Variants in TNNI3K observed in about 807,000 individuals in gnomAD.
TNNI3K encodes serine/threonine-protein kinase TNNI3K.
TNNI3K carries 140 observed loss-of-function variants against 114.5 expected under a neutral mutation model. That is an observed-to-expected ratio of 1.22 (90% confidence interval 1.07 to 1.41). The LOEUF (loss-of-function observed/expected upper bound fraction) is 1.41. TNNI3K is among the 40% of genes most tolerant of loss of function. The pLI is 0.00. For synonymous variants in TNNI3K, 347 were observed against 347.5 expected (o/e 1.00, Z 0.02); for missense variants, 1,125 against 1,007.6 (o/e 1.12, Z -1.58).
rs557053129 is a variant in TNNI3K, at chr1:74,297,491, C to T, written c.444+25783C>T. Among the ~76,000 whole-genome samples the T allele has an allele frequency of 3.3e-5, 5 of 149,372 alleles. No individual in the cohort carries two copies. In the East Asian group the frequency reaches 9.9e-4, roughly 29 times the overall value. Reference sequence around the variant, plus strand: ...ATGAGGGCTCTCACCAGAACCTATCCATGCTTGGCATCTTGTCCAGTGTGT... The same window carrying T: ...ATGAGGGCTCTCACCAGAACCTATCTATGCTTGGCATCTTGTCCAGTGTGT... On this transcript the variant is annotated intron_variant, in intron 5 of 24. Transcript: ENST00000326637.
In TNNI3K at chr1:74,368,960, G is replaced by A. The variant is rs1344390588; in HGVS notation, c.1322-62G>A. The A allele has an allele frequency of 9.0e-6, 12 of 1,334,126 alleles. No homozygotes were observed. The South Asian group carries it at 1.1e-4, about 12-fold the overall frequency. 82.6% of individuals were successfully genotyped at this position (1,334,126 alleles called of 1,614,324 possible). ...TTTAGTTAAATATATATATGCACATGTATACACATCCATGTGTGTGGTTTT... is the reference window on the plus strand; with the variant it reads ...TTTAGTTAAATATATATATGCACATATATACACATCCATGTGTGTGGTTTT... On this transcript the variant is annotated intron_variant, in intron 13 of 24. Transcript: ENST00000326637.
chr1:74,291,176 T>C (rs1657655864), intron 5 of TNNI3K, among the ~76,000 whole-genome samples: 1 of 151,690 alleles, frequency 6.6e-6, no homozygotes, highest in South Asian at 2.1e-4. Context: ...ATGGTAACTA[T>C]TCCTTTGCTT....
chr1:74,480,401 G>A, intron 21 of TNNI3K: 1 of 717,576 alleles, frequency 1.4e-6, no homozygotes, highest in Non-Finnish European at 2.6e-6. Flanking sequence ...GAGATCACAA[G>A]TGCAGCTCCA....
intron 23 of TNNI3K, among the ~76,000 whole-genome samples, chr1:74,531,169 AT>A (rs1214524498): frequency 1.3e-5 from 2 of 152,254 alleles, no homozygotes. Flanking sequence ...TGAAAGAGAT[AT>A]TTTGCACTAA....
intron 4 of TNNI3K, among the ~76,000 whole-genome samples, chr1:74,260,277 C>T (rs1270600172): frequency 1.3e-5 from 2 of 152,028 alleles, no homozygotes; most frequent in Non-Finnish European, 2.9e-5. Flanking sequence ...TTCTTTGATT[C>T]CTCAGTATAT....
At chr1:74,249,383 G>A (rs1654785867) in intron 2 of TNNI3K, 76 bp from the exon 3 acceptor site, 3 of 1,433,188 alleles carry the variant, frequency 2.1e-6, no homozygotes, top group Admixed American at 2.0e-5. Flanking sequence ...AACAGGATTT[G>A]CATTTATAAT....
chr1:74,403,791 T>G (rs1340811518), intron 17 of TNNI3K, among the ~76,000 whole-genome samples: 3 of 152,148 alleles, frequency 2.0e-5, no homozygotes, highest in African/African-American at 7.2e-5. Flanking sequence ...TGTACATAGT[T>G]AATGAGAAAC....
intron 23 of TNNI3K, among the ~76,000 whole-genome samples, chr1:74,505,700 T>G (rs1302083386): frequency 6.6e-6 from 1 of 152,224 alleles, no homozygotes; most frequent in African/African-American, 2.4e-5. Flanking sequence ...CAGTTGTCAT[T>G]TCTCATTATC....
chr1:74,238,735 G>T (rs527604048), intron 2 of TNNI3K, among the ~76,000 whole-genome samples: 5 of 152,102 alleles, frequency 3.3e-5, no homozygotes, highest in African/African-American at 1.2e-4. Context: ...TTTTTGGAGA[G>T]AAAGACCAAT....
intron 21 of TNNI3K, among the ~76,000 whole-genome samples, chr1:74,486,561 T>C (rs544219914): frequency 6.8e-6 from 1 of 148,020 alleles, no homozygotes; most frequent in South Asian, 2.1e-4. Flanking sequence ...TTTACTGAAA[T>C]GGGAAAGGCT....
intron 9 of TNNI3K, among the ~76,000 whole-genome samples, chr1:74,349,340 A>C (rs1229926319): frequency 2.0e-5 from 3 of 152,174 alleles, no homozygotes; most frequent in African/African-American, 7.2e-5. Context: ...CATGGTGGAT[A>C]AGCTTTTTAA....
intron 9 of TNNI3K, among the ~76,000 whole-genome samples, chr1:74,350,082 C>A (rs1326106871): frequency 2.0e-5 from 3 of 152,132 alleles, no homozygotes; most frequent in Admixed American, 6.6e-5. Context: ...AATTTTAGAT[C>A]TTTCCTGCTT....
intron 17 of TNNI3K, among the ~76,000 whole-genome samples, chr1:74,404,087 A>T (rs187554870): frequency 1.5e-4 from 23 of 152,258 alleles, no homozygotes; most frequent in Admixed American, 1.4e-3. Flanking sequence ...GGAGATTTGG[A>T]TATAGATTGT....
At chr1:74,418,289 C>T (rs2100628706) in intron 17 of TNNI3K, 1 of 378,252 alleles carries the variant, frequency 2.6e-6, no homozygotes, top group South Asian at 1.9e-5. Flanking sequence ...CGAATGAAGT[C>T]ACCACATCAG....
At chr1:74,386,316 A>G (rs907666583) in intron 17 of TNNI3K, among the ~76,000 whole-genome samples, 1 of 152,072 alleles carries the variant, frequency 6.6e-6, no homozygotes, top group Non-Finnish European at 1.5e-5. Flanking sequence ...AAACTGGCAG[A>G]TATAACATCT....
At chr1:74,325,246 C>G (rs1659834457) in intron 5 of TNNI3K, among the ~76,000 whole-genome samples, 1 of 152,136 alleles carries the variant, frequency 6.6e-6, no homozygotes, top group Admixed American at 6.5e-5. Flanking sequence ...TAAAAGCAAG[C>G]AGCTTGCACT....
intron 9 of TNNI3K, among the ~76,000 whole-genome samples, chr1:74,348,607 A>G (rs1448609194): frequency 1.1e-4 from 16 of 152,158 alleles, no homozygotes; most frequent in Non-Finnish European, 5.9e-5. Context: ...CATTTTCACG[A>G]CATTGATTCT....
chr1:74,543,834 G>A, intron 24 of TNNI3K, 72 bp from the exon 25 acceptor site: 1 of 1,583,118 alleles, frequency 6.3e-7, no homozygotes, highest in Non-Finnish European at 8.7e-7. Context: ...GCCTGGTTCA[G>A]GCTGGTTATA....
At chr1:74,298,375 T>C (rs1252485836) in intron 5 of TNNI3K, among the ~76,000 whole-genome samples, 1 of 152,170 alleles carries the variant, frequency 6.6e-6, no homozygotes, top group Non-Finnish European at 1.5e-5. Context: ...TGGTTACTTA[T>C]ATGAATATAT....
Sources: gnomAD v4.1 joint callset for allele counts (sites outside exome capture counted in the v4.1 genomes callset) on GRCh38, gnomAD v4.1.1 for gene constraint, MANE v1.5 for transcripts, NCBI Gene and HGNC (gene_info 2026-07-23, HGNC 2026-07-21) for gene names.